The following BCAT1 variants were observed in gnomAD, a reference collection of about 807,000 sequenced individuals.
BCAT1 encodes the protein branched chain amino acid transaminase 1, also known as branched-chain-amino-acid aminotransferase, cytosolic.
BCAT1 carries 48 observed loss-of-function variants against 52.4 expected under a neutral mutation model. The ratio of observed to expected loss-of-function variants is 0.92; its 90% CI spans 0.73 to 1.16. BCAT1 has a LOEUF of 1.16. BCAT1 is among the 50% of genes most tolerant of loss of function. The pLI is 0.00. For synonymous variants in BCAT1, 167 were observed against 161.3 expected (o/e 1.04, Z -0.27); for missense variants, 451 against 457.1 (o/e 0.99, Z 0.12).
At chr12:24,879,699 T>C (rs1162228686) in intron 4 of BCAT1, among the ~76,000 whole-genome samples, 1 of 152,204 alleles carries the variant, frequency 6.6e-6, no homozygotes, top group Non-Finnish European at 1.5e-5. Flanking sequence ...TGACCAGGAA[T>C]AAAAACACCT....
At chr12:24,827,921 A>G (rs891543023) in intron 10 of BCAT1, among the ~76,000 whole-genome samples, 4 of 151,002 alleles carry the variant, frequency 2.6e-5, no homozygotes, top group African/African-American at 9.7e-5. Flanking sequence ...TTTTTATTTT[A>G]TTTCCCTTTT....
chr12:24,882,998 A>G (rs1942544919), intron 3 of BCAT1, among the ~76,000 whole-genome samples: 1 of 152,044 alleles, frequency 6.6e-6, no homozygotes, highest in South Asian at 2.1e-4. Flanking sequence ...AAAAAAGGCA[A>G]CTTCAAGGCT....
At chr12:24,890,768 A>G (rs1942815138) in intron 3 of BCAT1, among the ~76,000 whole-genome samples, 1 of 152,196 alleles carries the variant, frequency 6.6e-6, no homozygotes, top group Admixed American at 6.5e-5. Context: ...ATAGCCAACC[A>G]GCAGCCCTCG....
At chr12:24,873,854 T>G (rs928985425) in intron 5 of BCAT1, among the ~76,000 whole-genome samples, 23 of 152,218 alleles carry the variant, frequency 1.5e-4, no homozygotes, top group Admixed American at 1.5e-3. Flanking sequence ...TGCCAATCCC[T>G]ACTCACTGGT....
intron 1 of BCAT1, among the ~76,000 whole-genome samples, chr12:24,934,141 C>T (rs1943720146): frequency 6.6e-6 from 1 of 152,184 alleles, no homozygotes; most frequent in Admixed American, 6.5e-5. Context: ...AAAAGCCTTA[C>T]CAAGGACTCC....
chr12:24,841,027 G>A (rs1277286343), intron 7 of BCAT1, among the ~76,000 whole-genome samples: 6 of 151,914 alleles, frequency 3.9e-5, no homozygotes, highest in Non-Finnish European at 8.8e-5. Flanking sequence ...TATCATACAC[G>A]TTGCCAACAC....
chr12:24,818,657 A>G (rs940027572), intron 10 of BCAT1, among the ~76,000 whole-genome samples: 5 of 151,990 alleles, frequency 3.3e-5, no homozygotes, highest in African/African-American at 1.2e-4. Context: ...TTTAACAGAG[A>G]CTCTGTTCTC....
At chr12:24,913,712 T>A (rs1365138362) in intron 1 of BCAT1, among the ~76,000 whole-genome samples, 1 of 152,206 alleles carries the variant, frequency 6.6e-6, no homozygotes, top group Non-Finnish European at 1.5e-5. Flanking sequence ...CTAATGCTAA[T>A]AGACTGAGCA....
At chr12:24,867,250 G>C (rs537936423) in intron 5 of BCAT1, among the ~76,000 whole-genome samples, 23 of 152,154 alleles carry the variant, frequency 1.5e-4, no homozygotes, top group Non-Finnish European at 3.4e-4. Flanking sequence ...CTTACCGCGA[G>C]GGTCCATGGC....
intron 8 of BCAT1, 115 bp downstream of exon 8, chr12:24,836,396 A>G: frequency 1.2e-6 from 1 of 858,886 alleles, no homozygotes; most frequent in Non-Finnish European, 1.8e-6. Flanking sequence ...TTAGAATTTA[A>G]AGATTAGATA....
chr12:24,861,035 A>T (rs1340807140), intron 5 of BCAT1, among the ~76,000 whole-genome samples: 2 of 152,244 alleles, frequency 1.3e-5, no homozygotes, highest in African/African-American at 4.8e-5. Flanking sequence ...GTGCAAACAA[A>T]TCAGTCCTAC....
intron 7 of BCAT1, among the ~76,000 whole-genome samples, chr12:24,837,877 C>T (rs1941048645): frequency 6.6e-6 from 1 of 152,184 alleles, no homozygotes; most frequent in Non-Finnish European, 1.5e-5. Flanking sequence ...ATTCAAGAAA[C>T]AAAACTCCAA....
chr12:24,913,262 T>C (rs1368684249), intron 1 of BCAT1, among the ~76,000 whole-genome samples: 1 of 152,196 alleles, frequency 6.6e-6, no homozygotes, highest in African/African-American at 2.4e-5. Context: ...AAAGTTGTAG[T>C]GTTAATGAGA....
chr12:24,850,936 C>T (rs1398959399), intron 5 of BCAT1, among the ~76,000 whole-genome samples: 2 of 152,152 alleles, frequency 1.3e-5, no homozygotes, highest in Non-Finnish European at 2.9e-5. Flanking sequence ...GAATGAATGA[C>T]TTATAAATAA....
Position 24,894,542 on chromosome 12 carries a change from A to AG in BCAT1, c.79-68dup, listed in dbSNP as rs1434988780. 5.1e-4 allele frequency: 650 copies of AG among 1,286,682 alleles called. 1 individual carries two copies. The highest frequency in any genetic ancestry group is 4.0e-3 in the Middle Eastern group (21 of 5,284). The allele number at this position is 1,286,682 out of a possible 1,614,324, so 79.7% of individuals were successfully genotyped here. A position where few individuals can be genotyped will look rare whatever the true frequency, so the allele number is the denominator to read the frequency against. On this transcript the variant is annotated intron_variant, in intron 2 of 10. Transcript: ENST00000261192. ...AGCATTCGCTGGCTAGATTATACAG[A>AG]GGGGAAAAAAAAAAAGGAAATCAAT...
intron 3 of BCAT1, among the ~76,000 whole-genome samples, chr12:24,891,687 T>A (rs779453788): frequency 6.6e-6 from 1 of 151,946 alleles, no homozygotes; most frequent in African/African-American, 2.4e-5. Flanking sequence ...ATTACAAAAA[T>A]CTAAATTGGC....
chr12:24,902,144 A>G, intron 1 of BCAT1: 1 of 1,445,208 alleles, frequency 6.9e-7, no homozygotes, highest in East Asian at 2.5e-5. Flanking sequence ...GACTGGTTAA[A>G]TTCCAGGTCA....
intron 1 of BCAT1, among the ~76,000 whole-genome samples, chr12:24,943,531 T>C (rs1470869171): frequency 7.2e-6 from 1 of 139,756 alleles, no homozygotes; most frequent in African/African-American, 2.6e-5. Context: ...TACAAAGTGG[T>C]GTCAGACCCA....
chr12:24,816,257 A>G lies in BCAT1; in HGVS notation c.*1751T>C, dbSNP rs1939871183. 5.6e-6 allele frequency: 2 copies of G among 359,780 alleles called. No individual in the cohort carries two copies. The highest frequency in any genetic ancestry group is 9.9e-6 in the Non-Finnish European group (2 of 202,540). The allele number at this position is 359,780 out of a possible 1,614,324, so 22.3% of individuals were successfully genotyped here. A position where few individuals can be genotyped will look rare whatever the true frequency, so the allele number is the denominator to read the frequency against. On this transcript the variant is annotated 3_prime_UTR_variant, in exon 11 of 11. Transcript: ENST00000261192. The stretch of plus-strand genomic sequence containing the variant: ...TAAATGCCTCAAGGAAATTTTTCCA[A>G]TGCATCAAACTTTTAGAATCCTTTT...
Sources: gnomAD v4.1 joint callset for allele counts (sites outside exome capture counted in the v4.1 genomes callset) on GRCh38, gnomAD v4.1.1 for gene constraint, MANE v1.5 for transcripts, NCBI Gene and HGNC (gene_info 2026-07-23, HGNC 2026-07-21) for gene names.